ITGA3: variants seen among roughly 807,000 people sequenced by gnomAD.
ITGA3 encodes the protein integrin alpha-3.
A neutral mutation model predicts 131.1 loss-of-function variants in ITGA3; 70 were observed. That is an observed-to-expected ratio of 0.53 (90% CI 0.44 to 0.65). ITGA3 has a LOEUF of 0.65. Ranked by LOEUF, ITGA3 falls within the 30% of genes least tolerant of loss-of-function variation. The pLI is 0.00. For missense variants in ITGA3, 1,098 were observed against 1,388.6 expected (o/e 0.79, Z 3.33); for synonymous variants, 537 against 571.6 (o/e 0.94, Z 0.86).
At chr17:50,065,052 C>T in intron 3 of ITGA3, 1 of 156,014 alleles carries the variant, frequency 6.4e-6, no homozygotes, top group Non-Finnish European at 1.4e-5. Flanking sequence ...AAATGTGTCA[C>T]CTCCTGCCCA....
At chr17:50,077,252 C>A (rs555978899) in intron 15 of ITGA3, 127 bp from the exon 16 acceptor site, 15 of 1,288,184 alleles carry the variant, frequency 1.2e-5, no homozygotes, top group African/African-American at 1.5e-5. Context: ...TTCTTGGGGG[C>A]CTTAGCGTCT....
rs1318475700 is a variant in ITGA3, at chr17:50,088,224, G to A, written c.3046-1G>A. 2 of 1,558,404 alleles carry A rather than the reference G, an allele frequency of 1.3e-6. No individual in the cohort carries two copies. Among genetic ancestry groups the A allele is most frequent in the South Asian group, 1.2e-5 (1 of 84,578 alleles). ...CCGTCCCCACCTCCTCCCCTCCGCAGTGCGGCTTCTTCAAGCGAGCCCGCA... is the reference window on the plus strand; with the variant it reads ...CCGTCCCCACCTCCTCCCCTCCGCAATGCGGCTTCTTCAAGCGAGCCCGCA... On this transcript the variant is annotated splice_acceptor_variant, in intron 24 of 25. Transcript: ENST00000320031. LOFTEE classifies it high-confidence loss of function.
intron 6 of ITGA3, 143 bp from the exon 7 acceptor site, chr17:50,071,843 C>T: frequency 1.4e-6 from 1 of 711,248 alleles, no homozygotes; most frequent in East Asian, 2.7e-5. Context: ...TTCCCATGCA[C>T]ATGTCCTTCC....
At chr17:50,087,637 C>G in intron 23 of ITGA3, 107 bp from the exon 24 acceptor site, 1 of 1,305,492 alleles carries the variant, frequency 7.7e-7, no homozygotes, top group Admixed American at 1.8e-5. Flanking sequence ...CTGCCCCCTA[C>G]TGGCAGCAGG....
intron 1 of ITGA3, among the ~76,000 whole-genome samples, chr17:50,062,743 A>G (rs899905488): frequency 1.3e-5 from 2 of 152,204 alleles, no homozygotes; most frequent in Admixed American, 1.3e-4. Flanking sequence ...GGCAGAAGCT[A>G]CAGGCGTGGC....
intron 1 of ITGA3, among the ~76,000 whole-genome samples, chr17:50,062,747 G>A (rs997278587): frequency 6.6e-6 from 1 of 152,264 alleles, no homozygotes; most frequent in South Asian, 2.1e-4. Flanking sequence ...GAAGCTACAG[G>A]CGTGGCTGTT....
At chr17:50,057,687 C>T (rs1452022766) in intron 1 of ITGA3, among the ~76,000 whole-genome samples, 1 of 152,230 alleles carries the variant, frequency 6.6e-6, no homozygotes, top group African/African-American at 2.4e-5. Context: ...GCATCTGCCC[C>T]CACCTAGCCT....
intron 18 of ITGA3, 90 bp downstream of exon 18, chr17:50,078,374 C>A: frequency 9.4e-7 from 1 of 1,066,326 alleles, no homozygotes; most frequent in South Asian, 1.4e-5. Context: ...ACTCCTCTGA[C>A]CCCTCTCTTG....
At chr17:50,086,335 A>T (rs1015241608) in intron 23 of ITGA3, 1 of 145,254 alleles carries the variant, frequency 6.9e-6, no homozygotes, top group Non-Finnish European at 1.5e-5. Flanking sequence ...TCTTTATATC[A>T]TCTGTATTTT....
intron 1 of ITGA3, among the ~76,000 whole-genome samples, chr17:50,062,797 G>C (rs1240373402): frequency 6.6e-6 from 1 of 152,262 alleles, no homozygotes; most frequent in South Asian, 2.1e-4. Flanking sequence ...CAGAGCCCAA[G>C]TTCTGAGCTG....
intron 4 of ITGA3, 25 bp from the exon 5 acceptor site, chr17:50,070,819 T>C: frequency 1.3e-6 from 2 of 1,525,650 alleles, no homozygotes; most frequent in Non-Finnish European, 9.1e-7. Flanking sequence ...TACTCCCTAC[T>C]CTCCCTCCCT....
intron 4 of ITGA3, among the ~76,000 whole-genome samples, chr17:50,068,814 T>TTTTA (rs373411924): frequency 0.32 from 37,127 of 117,690 alleles, 6,099 homozygotes; most frequent in Middle Eastern, 0.42. Flanking sequence ...AATCAGTCTT[T>TTTTA]TTTATTTATT....
intron 1 of ITGA3, among the ~76,000 whole-genome samples, chr17:50,059,328 G>T (rs1203950701): frequency 1.3e-5 from 2 of 152,174 alleles, no homozygotes; most frequent in Admixed American, 6.5e-5. Context: ...CAGGCATTCT[G>T]GTCTGGCCTG....
intron 23 of ITGA3, among the ~76,000 whole-genome samples, chr17:50,084,230 CAAAAAA>C (rs61103198): frequency 1.1e-4 from 3 of 26,982 alleles, no homozygotes; most frequent in Non-Finnish European, 1.6e-4. Context: ...GACTCTGTCT[CAAAAAA>C]AAAAAAAAAA....
chr17:50,072,558 G>A (rs1908681094), intron 7 of ITGA3, among the ~76,000 whole-genome samples: 1 of 151,894 alleles, frequency 6.6e-6, no homozygotes, highest in South Asian at 2.1e-4. Context: ...GTGGGGTGGG[G>A]TGAGGATGGA....
At position 50,064,090 on chromosome 17, in the gene ITGA3, G is replaced by GC. The variant is rs752236693; in HGVS notation, c.226dup (p.Arg76ProfsTer27). The GC allele has an allele frequency of 3.1e-6, 5 of 1,612,640 alleles. No homozygotes were observed. Among genetic ancestry groups the GC allele is most frequent in the East Asian group, 2.2e-5 (1 of 44,842 alleles). On this transcript the variant is annotated frameshift_variant, in exon 2 of 26. Transcript: ENST00000320031. LOFTEE classifies it high-confidence loss of function. This position sits in a 1 kb window ranked among gnomAD's most constrained non-coding sequence, Gnocchi z 4.4. Reference sequence around the variant, plus strand: ...CCCTATCCCCAGGCTCCTGGCTGGTGCCCCCCGGGAGCTCGCTGTGCCCGA... The same window carrying GC: ...CCCTATCCCCAGGCTCCTGGCTGGTGCCCCCCCGGGAGCTCGCTGTGCCCGA...
Position 50,064,524 on chromosome 17 carries a change from A to C in ITGA3, c.335-4A>C, listed in dbSNP as rs755778111. On this transcript the variant is annotated splice_region_variant and splice_polypyrimidine_tract_variant and intron_variant, in intron 2 of 25. Transcript: ENST00000320031. This position sits in a 1 kb window ranked among gnomAD's most constrained non-coding sequence, Gnocchi z 4.4. ...CTGATTCATGATCCTTCCGGTGCCC[A>C]CAGATGACCCTGGCCATCACATTAT... 9 of 1,610,804 alleles carry C rather than the reference A, an allele frequency of 5.6e-6. 1 individual carries two copies. The South Asian group carries it at 1.0e-4, about 18-fold the overall frequency.
At chr17:50,062,304 C>T (rs1231741795) in intron 1 of ITGA3, among the ~76,000 whole-genome samples, 1 of 152,200 alleles carries the variant, frequency 6.6e-6, no homozygotes, top group Non-Finnish European at 1.5e-5. Context: ...CCCCTTCAGG[C>T]AGAACAAACC....
rs768435486 is a variant in ITGA3, at chr17:50,073,935, G to A, written c.1176G>A (p.Pro392=). 37 of 1,614,012 alleles carry A rather than the reference G, an allele frequency of 2.3e-5. No homozygotes were observed. In the East Asian group the frequency reaches 3.8e-4, roughly 17 times the overall value. ...CTGCAGATATTGCTGTGGGAGCTCC[G>A]TTTGAAGGCTTGGGCAAAGTGTACA... is the stretch of plus-strand genomic sequence containing the variant. ...DGFQDIAVGA[P]FEGLGKVYIY... The change falls in exon 8 of 26, where the codon CCG becomes CCA. Residue 392 remains proline, a synonymous_variant. Transcript: ENST00000320031.
Sources: allele counts gnomAD v4.1 joint callset (sites outside exome capture counted in the v4.1 genomes callset), GRCh38; gene constraint gnomAD v4.1.1; non-coding constraint Gnocchi (gnomAD v3.1); transcripts MANE v1.5; gene names NCBI Gene and HGNC (gene_info 2026-07-23, HGNC 2026-07-21).